KCNQ3: variants seen among roughly 807,000 people sequenced by gnomAD.
KCNQ3 encodes the protein potassium voltage-gated channel subfamily Q member 3, also known as potassium voltage-gated channel subfamily KQT member 3.
KCNQ3 carries 30 observed loss-of-function variants against 92.5 expected under a neutral mutation model. The observed-to-expected ratio is 0.32, with a 90% CI of 0.24 to 0.44. The LOEUF is 0.44. Ranked by LOEUF, KCNQ3 falls within the 20% of genes least tolerant of loss-of-function variation. The pLI is 1.00. For missense variants in KCNQ3, 913 were observed against 1,140.3 expected (o/e 0.80, Z 2.87); for synonymous variants, 450 against 468.8 (o/e 0.96, Z 0.52).
At chr8:132,254,262 A>C (rs1283615189) in intron 1 of KCNQ3, among the ~76,000 whole-genome samples, 1 of 152,196 alleles carries the variant, frequency 6.6e-6, no homozygotes, top group African/African-American at 2.4e-5. Flanking sequence ...AACTGGTGAT[A>C]GAGATAGATG....
intron 1 of KCNQ3, among the ~76,000 whole-genome samples, chr8:132,268,927 G>A (rs1816070569): frequency 6.6e-6 from 1 of 152,186 alleles, no homozygotes; most frequent in Admixed American, 6.5e-5. Flanking sequence ...GCCATTCTAA[G>A]TGTGTAGTGG....
chr8:132,228,747 C>T (rs1168211954), intron 1 of KCNQ3, among the ~76,000 whole-genome samples: 2 of 146,220 alleles, frequency 1.4e-5, no homozygotes, highest in South Asian at 2.2e-4. Context: ...AGTAGCCCCT[C>T]AGCTGACTCT....
chr8:132,340,554 T>G (rs572680612), intron 1 of KCNQ3, among the ~76,000 whole-genome samples: 1 of 152,100 alleles, frequency 6.6e-6, no homozygotes, highest in African/African-American at 2.4e-5. Context: ...AAGTGGGAGT[T>G]GAACAATGAG....
chr8:132,463,671 A>C (rs1303172133), intron 1 of KCNQ3, among the ~76,000 whole-genome samples: 2 of 152,062 alleles, frequency 1.3e-5, no homozygotes, highest in East Asian at 3.9e-4. Context: ...TTTCTTCTAC[A>C]CTTCTATTTT....
intron 1 of KCNQ3, among the ~76,000 whole-genome samples, chr8:132,423,448 G>A (rs143010956): frequency 3.9e-4 from 59 of 152,248 alleles, no homozygotes; most frequent in African/African-American, 1.3e-3. Context: ...GGCAGGAAGG[G>A]GCAATGGTTA....
Position 132,129,662 on chromosome 8 carries a change from G to A in KCNQ3, c.2219C>T (p.Thr740Met), listed in dbSNP as rs764065145. Residue 740 changes from threonine to methionine, a missense_variant, in exon 15 of 15, where the codon ACG becomes ATG. Physicochemically the swap from Thr to Met is moderately conservative, Grantham distance 81 (BLOSUM62 -1). Transcript: ENST00000388996. This position sits in a 1 kb window ranked among gnomAD's most constrained non-coding sequence, Gnocchi z 5.9. ...VQATPPSSAT[T>M]YVERPTVLPI... ...CAGGACCGTGGGCCTCTCCACATACGTTGTTGCTGAGGAAGGAGGAGTTGC... is the reference window on the plus strand; with the variant it reads ...CAGGACCGTGGGCCTCTCCACATACATTGTTGCTGAGGAAGGAGGAGTTGC... 11 of 1,614,052 alleles carry A rather than the reference G, an allele frequency of 6.8e-6. No individual in the cohort carries two copies. The highest frequency in any genetic ancestry group is 1.3e-5 in the African/African-American group (1 of 74,926).
intron 1 of KCNQ3, among the ~76,000 whole-genome samples, chr8:132,369,441 T>C (rs1819410240): frequency 6.6e-6 from 1 of 152,156 alleles, no homozygotes; most frequent in Non-Finnish European, 1.5e-5. Context: ...GCAATGAGCA[T>C]ACCCACCCCA....
intron 8 of KCNQ3, among the ~76,000 whole-genome samples, chr8:132,168,942 G>A (rs534592497): frequency 6.6e-6 from 1 of 152,122 alleles, no homozygotes; most frequent in South Asian, 2.1e-4. Flanking sequence ...TTCTTTCCAA[G>A]TCAAGGGTTC....
intron 1 of KCNQ3, among the ~76,000 whole-genome samples, chr8:132,360,491 T>C (rs1477113627): frequency 2.6e-5 from 4 of 152,146 alleles, no homozygotes; most frequent in African/African-American, 9.7e-5. Flanking sequence ...GCCAGGCACA[T>C]AGGAGGGGTT....
intron 1 of KCNQ3, among the ~76,000 whole-genome samples, chr8:132,412,289 A>G (rs1820672575): frequency 6.6e-6 from 1 of 152,132 alleles, no homozygotes; most frequent in African/African-American, 2.4e-5. Context: ...GCCCCAATAA[A>G]TTCTAATTCA....
At chr8:132,160,155 T>C (rs1825940503) in intron 9 of KCNQ3, among the ~76,000 whole-genome samples, 1 of 152,174 alleles carries the variant, frequency 6.6e-6, no homozygotes, top group Non-Finnish European at 1.5e-5. Flanking sequence ...AGGAGGGGGC[T>C]ACATAAAATG....
intron 1 of KCNQ3, among the ~76,000 whole-genome samples, chr8:132,447,851 G>A (rs1189217536): frequency 6.6e-6 from 1 of 152,176 alleles, no homozygotes; most frequent in Non-Finnish European, 1.5e-5. Context: ...GCATTTTTAA[G>A]AGATGGAAAC....
intron 1 of KCNQ3, among the ~76,000 whole-genome samples, chr8:132,416,967 G>A (rs1282643103): frequency 6.6e-6 from 1 of 152,142 alleles, no homozygotes; most frequent in Non-Finnish European, 1.5e-5. Context: ...CACGTCTGAG[G>A]GAGCCTGAAG....
intron 1 of KCNQ3, among the ~76,000 whole-genome samples, chr8:132,204,575 C>G (rs1233375659): frequency 6.6e-6 from 1 of 152,190 alleles, no homozygotes; most frequent in Non-Finnish European, 1.5e-5. Context: ...TCCTCCTAAC[C>G]CACCATCTCT....
chr8:132,325,545 T>C (rs1050046201), intron 1 of KCNQ3, among the ~76,000 whole-genome samples: 3 of 152,180 alleles, frequency 2.0e-5, no homozygotes, highest in African/African-American at 7.2e-5. Context: ...TGCTCCAATA[T>C]GACTGGTGGT....
chr8:132,129,775 C>T lies in KCNQ3; in HGVS notation c.2106G>A (p.Val702=), dbSNP rs774327034. 1 of 1,614,196 alleles carries T rather than the reference C, an allele frequency of 6.2e-7. No individual in the cohort carries two copies. The highest frequency in any genetic ancestry group is 8.5e-7 in the Non-Finnish European group (1 of 1,180,046). ...CATAGGGGCTGACTTTGTCAATGGT[C>T]ACCTGGTGGAAGCTGTAGGGTGGTT... The part of the protein sequence containing the change: ...PPEPPYSFHQ[V]TIDKVSPYGF... Residue 702 remains valine (V), a synonymous_variant, in exon 15 of 15, where the codon GTG becomes GTA. Coordinates refer to ENST00000388996, the MANE Select transcript of KCNQ3 (RefSeq NM_004519.4). The surrounding 1 kb of genome is among the most constrained non-coding windows in gnomAD (Gnocchi z 5.9).
rs5895138 is a variant in KCNQ3, at chr8:132,347,977, TAA to T, written c.386+132168_386+132169del. 7.6e-3 allele frequency among the ~76,000 whole-genome samples: 594 copies of T among 78,080 alleles called. 6 individuals carry two copies. The highest frequency in any genetic ancestry group is 7.4e-3 in the Non-Finnish European group (298 of 40,432). 51.2% of individuals were successfully genotyped at this position (78,080 alleles called of 152,430 possible). A position where few individuals can be genotyped will look rare whatever the true frequency, so the allele number is the denominator to read the frequency against. ...GGGCGACAGAGCGAGAGACTCCATC[TAA>T]AAAAAAAAAAAAAAAAAAAAAAGGA... On this transcript the variant is annotated intron_variant, in intron 1 of 14. Transcript: ENST00000388996.
intron 1 of KCNQ3, among the ~76,000 whole-genome samples, chr8:132,250,028 C>T (rs1452653994): frequency 6.6e-6 from 1 of 152,152 alleles, no homozygotes. Flanking sequence ...AGTTCCCACC[C>T]GTGCCTCTCC....
chr8:132,142,128 T>A (rs981710253), intron 9 of KCNQ3, among the ~76,000 whole-genome samples: 2 of 152,234 alleles, frequency 1.3e-5, no homozygotes, highest in African/African-American at 4.8e-5. Flanking sequence ...TTGATAATGC[T>A]GTTTCCATAT....
Sources: gnomAD v4.1 joint callset for allele counts (sites outside exome capture counted in the v4.1 genomes callset) on GRCh38, gnomAD v4.1.1 for gene constraint, Gnocchi (gnomAD v3.1) non-coding constraint, MANE v1.5 for transcripts, NCBI Gene and HGNC (gene_info 2026-07-23, HGNC 2026-07-21) for gene names.